NPTXR: variants seen among roughly 807,000 people sequenced by gnomAD.
The protein encoded by NPTXR is neuronal pentraxin receptor.
Under a neutral mutation model 32.2 loss-of-function variants are expected in NPTXR, and 12 were observed. That is an observed-to-expected ratio of 0.37 (90% CI 0.24 to 0.60). The LOEUF is 0.60. Among genes scored for constraint, NPTXR ranks in the 20% least tolerant of loss-of-function variants. The pLI is 0.66. For synonymous variants in NPTXR, 323 were observed against 315.8 expected, an observed-to-expected ratio of 1.02 and a Z score of -0.24; for missense variants, 612 against 682.9, an observed-to-expected ratio of 0.90 and a Z score of 1.16.
At chr22:38,833,203 C>T (rs1041716691) in intron 1 of NPTXR, among the ~76,000 whole-genome samples, 6 of 152,218 alleles carry the variant, frequency 3.9e-5, no homozygotes, top group African/African-American at 1.4e-4. Context: ...TAGTGGTACT[C>T]CCAGCTGGCA....
Position 38,826,649 on chromosome 22 carries a change from A to G in NPTXR, c.949T>C (p.Tyr317His). The G allele has an allele frequency of 6.2e-7, 1 of 1,614,262 alleles. No homozygotes were observed. Residue 317 changes from tyrosine to histidine, a missense_variant, in exon 3 of 5, where the codon TAC (tyrosine) becomes CAC (histidine). Physicochemically the swap from Tyr to His is moderately conservative, Grantham distance 83. Coordinates refer to ENST00000333039, the MANE Select transcript of NPTXR (RefSeq NM_014293.4). Reference sequence around the variant, plus strand: ...AGCCACATGCAGGCGGTGAATGCGTAGAGCTCGGGCAGAGCCTTCCGCACG... The same window carrying G: ...AGCCACATGCAGGCGGTGAATGCGTGGAGCTCGGGCAGAGCCTTCCGCACG...
chr22:38,839,137 G>A lies in NPTXR; in HGVS notation c.624+4098C>T, dbSNP rs1028225459. Among the ~76,000 whole-genome samples, 42 of 152,216 alleles carry A rather than the reference G, an allele frequency of 2.8e-4. 1 individual carries two copies. The highest frequency in any genetic ancestry group is 5.9e-5 in the Non-Finnish European group (4 of 68,044). ...AAGTGTTCGCTATAATGGTTATTTG[G>A]CTCCCACTCCAGGATGGGAGGAGGC... On this transcript the variant is annotated intron_variant, in intron 1 of 4. Transcript: ENST00000333039.
At chr22:38,837,499 C>A (rs1035597987) in intron 1 of NPTXR, among the ~76,000 whole-genome samples, 3 of 152,230 alleles carry the variant, frequency 2.0e-5, no homozygotes, top group Admixed American at 6.5e-5. Context: ...CAAAGACAAC[C>A]AACGGAATTT....
At position 38,843,408 on chromosome 22, in the gene NPTXR, T is replaced by C. The variant is rs1257123237; in HGVS notation, c.451A>G (p.Ile151Val). The change falls in exon 1 of 5, where the codon ATC (isoleucine) becomes GTC (valine). Residue 151 changes from isoleucine to valine, a missense_variant. Transcript: ENST00000333039. This position sits in a 1 kb window ranked among gnomAD's most constrained non-coding sequence, Gnocchi z 5.3. ...CCCAGCTTGCCGGTGAGCTCACGGA[T>C]GGTGTCCTGGTCGGCGCGGATGCGC... 1.4e-6 allele frequency: 2 copies of C among 1,413,504 alleles called. No individual in the cohort carries two copies. Among genetic ancestry groups the C allele is most frequent in the Non-Finnish European group, 1.8e-6 (2 of 1,092,104 alleles). The allele number at this position is 1,413,504 out of a possible 1,614,324, so 87.6% of individuals were successfully genotyped here.
intron 1 of NPTXR, among the ~76,000 whole-genome samples, chr22:38,832,827 CCCTG>C (rs2093118420): frequency 6.6e-6 from 1 of 151,926 alleles, no homozygotes; most frequent in Non-Finnish European, 1.5e-5. Flanking sequence ...GTGCTGGTTG[CCCTG>C]CCTAACTCGA....
In NPTXR at chr22:38,819,334, G is replaced by C. The variant is rs567494376; in HGVS notation, c.*3275C>G. The C allele has an allele frequency of 6.6e-6, 1 of 152,478 alleles. No individual in the cohort carries two copies. The highest frequency in any genetic ancestry group is 6.5e-5 in the Admixed American group (1 of 15,312). 9.4% of individuals were successfully genotyped at this position (152,478 alleles called of 1,614,324 possible). A position where few individuals can be genotyped will look rare whatever the true frequency, so the allele number is the denominator to read the frequency against. ...TGAAGCTCTGGCCCATGGTGGGAGG[G>C]ACACATTCCCTGAAGCAGCTGAGCC... On this transcript the variant is annotated 3_prime_UTR_variant, in exon 5 of 5. Coordinates refer to ENST00000333039, the MANE Select transcript of NPTXR (RefSeq NM_014293.4).
At chr22:38,825,594 G>T (rs1403492769) in intron 3 of NPTXR, among the ~76,000 whole-genome samples, 2 of 152,134 alleles carry the variant, frequency 1.3e-5, no homozygotes, top group Non-Finnish European at 2.9e-5. Context: ...CTGCTTTAGA[G>T]ATAAGCAAAC....
chr22:38,825,547 T>G (rs1369055670), intron 3 of NPTXR, among the ~76,000 whole-genome samples: 1 of 152,156 alleles, frequency 6.6e-6, no homozygotes, highest in Non-Finnish European at 1.5e-5. Context: ...AAGCCACTTC[T>G]CACTACAACC....
At chr22:38,825,475 A>C (rs1381174673) in intron 3 of NPTXR, among the ~76,000 whole-genome samples, 1 of 152,180 alleles carries the variant, frequency 6.6e-6, no homozygotes, top group Non-Finnish European at 1.5e-5. Context: ...TAATAAAAAT[A>C]GCTCACAGTT....
chr22:38,825,520 G>T (rs1225095710), intron 3 of NPTXR, among the ~76,000 whole-genome samples: 1 of 152,152 alleles, frequency 6.6e-6, no homozygotes, highest in Non-Finnish European at 1.5e-5. Context: ...TCTGCTCAAA[G>T]CCCTCTACAT....
At chr22:38,842,572 G>T (rs768214422) in intron 1 of NPTXR, among the ~76,000 whole-genome samples, 1 of 152,154 alleles carries the variant, frequency 6.6e-6, no homozygotes, top group African/African-American at 2.4e-5. Flanking sequence ...GGAGGAGCTC[G>T]GGGGGCCCTG....
In NPTXR at chr22:38,820,431, T is replaced by C. The variant is rs1012091615; in HGVS notation, c.*2178A>G. The C allele has an allele frequency of 5.3e-5, 8 of 151,974 alleles. No homozygotes were observed. The highest frequency in any genetic ancestry group is 1.9e-4 in the African/African-American group (8 of 41,302). The allele number at this position is 151,974 out of a possible 1,614,324, so 9.4% of individuals were successfully genotyped here. ...GCTAAGTGGCCTCAGGGAGTGGAGA[T>C]AGGGAACAAAAAGGCAGGCAAAAGG... On this transcript the variant is annotated 3_prime_UTR_variant, in exon 5 of 5. Transcript: ENST00000333039.
chr22:38,843,704 G>T lies in NPTXR; in HGVS notation c.155C>A (p.Ser52Tyr). ...GCTCAGGCTCCGCTGCGGGCCCGGG[G>T]ACGCGGCGGCGCCCGAGGCGACCGA... is the stretch of plus-strand genomic sequence containing the variant. The change falls in exon 1 of 5, where the codon TCC (serine) becomes TAC (tyrosine). Residue 52 changes from serine to tyrosine, a missense_variant. Physicochemically the swap from Ser to Tyr is moderately radical, Grantham distance 144. Coordinates refer to ENST00000333039, the MANE Select transcript of NPTXR (RefSeq NM_014293.4). The surrounding 1 kb of genome is among the most constrained non-coding windows in gnomAD (Gnocchi z 5.3). The T allele has an allele frequency of 1.0e-6, 1 of 995,180 alleles. No homozygotes were observed. The highest frequency in any genetic ancestry group is 4.5e-5 in the South Asian group (1 of 22,020). 61.6% of individuals were successfully genotyped at this position (995,180 alleles called of 1,614,324 possible).
At chr22:38,826,465 T>TC in intron 3 of NPTXR, 35 bp downstream of exon 3, 1 of 1,571,754 alleles carries the variant, frequency 6.4e-7, no homozygotes, top group Non-Finnish European at 8.6e-7. Context: ...AGGGTGGCCC[T>TC]CCCCCAGCCA....
chr22:38,833,623 A>G (rs945319284), intron 1 of NPTXR, among the ~76,000 whole-genome samples: 5 of 151,044 alleles, frequency 3.3e-5, no homozygotes, highest in African/African-American at 1.2e-4. Context: ...GAAGCATCAC[A>G]GGCGTGTCTA....
chr22:38,840,738 C>T (rs1203049831), intron 1 of NPTXR, among the ~76,000 whole-genome samples: 3 of 152,036 alleles, frequency 2.0e-5, no homozygotes, highest in African/African-American at 4.8e-5. Flanking sequence ...GGGGCCCCTC[C>T]GTGGAATGGG....
intron 2 of NPTXR, among the ~76,000 whole-genome samples, 178 bp downstream of exon 2, chr22:38,828,109 A>C (rs1348517820): frequency 6.6e-6 from 1 of 152,162 alleles, no homozygotes; most frequent in Non-Finnish European, 1.5e-5. Flanking sequence ...GAGATCTGTT[A>C]ATAATGTTGA....
intron 1 of NPTXR, among the ~76,000 whole-genome samples, chr22:38,836,204 T>C (rs934467037): frequency 2.0e-5 from 3 of 151,972 alleles, no homozygotes; most frequent in Admixed American, 6.6e-5. Flanking sequence ...TGTGGGGAAA[T>C]GTTTGGCTGT....
At chr22:38,826,196 C>T (rs1168735265) in intron 3 of NPTXR, among the ~76,000 whole-genome samples, 1 of 152,198 alleles carries the variant, frequency 6.6e-6, no homozygotes, top group African/African-American at 2.4e-5. Context: ...GGGCAGACAC[C>T]TCAGCCCTGT....
Sources: gnomAD v4.1 joint callset for allele counts (sites outside exome capture counted in the v4.1 genomes callset) on GRCh38, gnomAD v4.1.1 for gene constraint, Gnocchi (gnomAD v3.1) non-coding constraint, MANE v1.5 for transcripts, NCBI Gene and HGNC (gene_info 2026-07-23, HGNC 2026-07-21) for gene names.